Variants in GPHN observed in about 807,000 individuals in gnomAD.
GPHN encodes gephyrin.
Under a neutral mutation model 95.5 loss-of-function variants are expected in GPHN, and 17 were observed. That is an observed-to-expected ratio of 0.18 (90% CI 0.12 to 0.27). GPHN has a LOEUF of 0.27. GPHN is among the 10% of genes least tolerant of loss of function. The pLI, the probability that GPHN is intolerant of heterozygous loss-of-function variation, is 1.00. For synonymous variants in GPHN, 320 were observed against 322.5 expected, an observed-to-expected ratio of 0.99 and a Z score of 0.08; for missense variants, 660 against 978.1, an observed-to-expected ratio of 0.67 and a Z score of 4.34.
At chr14:66,851,316 T>C (rs1322211477) in intron 4 of GPHN, among the ~76,000 whole-genome samples, 1 of 151,858 alleles carries the variant, frequency 6.6e-6, no homozygotes, top group African/African-American at 2.4e-5. Context: ...CAAGTGTAAC[T>C]ACAACTTTGA....
At chr14:66,874,228 C>A (rs2063559587) in intron 4 of GPHN, among the ~76,000 whole-genome samples, 1 of 152,138 alleles carries the variant, frequency 6.6e-6, no homozygotes, top group Non-Finnish European at 1.5e-5. Flanking sequence ...AAAAGGATTT[C>A]CACACAGAAA....
the GPHN span, among the ~76,000 whole-genome samples, chr14:67,273,743 T>G: frequency 5.3e-5 from 8 of 152,226 alleles, no homozygotes; most frequent in Admixed American, 5.2e-4. Context: ...CCAGCAACAG[T>G]GTAAAAGTGT....
At chr14:66,998,892 T>A (rs886494330) in intron 9 of GPHN, among the ~76,000 whole-genome samples, 63 of 145,328 alleles carry the variant, frequency 4.3e-4, no homozygotes, top group African/African-American at 1.4e-3. Flanking sequence ...AAAAAAAATA[T>A]ATATATATAT....
chr14:66,643,127 G>A (rs899010572), intron 1 of GPHN, among the ~76,000 whole-genome samples: 1 of 151,994 alleles, frequency 6.6e-6, no homozygotes, highest in South Asian at 2.1e-4. Context: ...TTCACAAATA[G>A]TATATGTTCA....
At chr14:66,861,584 C>A (rs954243312) in intron 4 of GPHN, among the ~76,000 whole-genome samples, 10 of 152,074 alleles carry the variant, frequency 6.6e-5, no homozygotes, top group African/African-American at 2.4e-4. Context: ...AAAGGATAGA[C>A]CATATGTTGG....
intron 11 of GPHN, among the ~76,000 whole-genome samples, chr14:67,084,716 T>C (rs888616758): frequency 1.3e-5 from 2 of 152,212 alleles, no homozygotes; most frequent in African/African-American, 4.8e-5. Context: ...GTCAGTGAAC[T>C]TGTTGGCCTT....
chr14:67,286,368 C>A, the GPHN span, among the ~76,000 whole-genome samples: 5 of 152,276 alleles, frequency 3.3e-5, no homozygotes, highest in East Asian at 9.6e-4. Context: ...CCTCTGTCTT[C>A]TCTTTGTTGT....
the GPHN span, among the ~76,000 whole-genome samples, chr14:67,347,782 G>A: frequency 2.0e-5 from 3 of 152,160 alleles, no homozygotes; most frequent in Non-Finnish European, 2.9e-5. Flanking sequence ...TTACAGGTAT[G>A]AGCCACCGCG....
chr14:67,121,254 C>T (rs1486121589), intron 16 of GPHN, among the ~76,000 whole-genome samples: 1 of 152,076 alleles, frequency 6.6e-6, no homozygotes, highest in Non-Finnish European at 1.5e-5. Context: ...GAAGGACCCC[C>T]TACTCTTAGG....
chr14:67,452,393 G>GT, the GPHN span, among the ~76,000 whole-genome samples: 3 of 150,900 alleles, frequency 2.0e-5, no homozygotes, highest in East Asian at 5.8e-4. Context: ...CACCATCCAT[G>GT]TAAGTTGTGA....
chr14:66,516,521 G>T (rs180904746), intron 1 of GPHN, among the ~76,000 whole-genome samples: 39 of 152,198 alleles, frequency 2.6e-4, no homozygotes, highest in Non-Finnish European at 4.7e-4. Flanking sequence ...TGAAGTGAGG[G>T]TCTAAAGGCA....
At chr14:67,355,752 G>A in the GPHN span, among the ~76,000 whole-genome samples, 2 of 151,830 alleles carry the variant, frequency 1.3e-5, no homozygotes, top group Admixed American at 6.6e-5. Flanking sequence ...TCTATAATCA[G>A]CACTTTGGGA....
the GPHN span, chr14:67,726,159 A>G: frequency 6.3e-7 from 1 of 1,577,676 alleles, no homozygotes; most frequent in Non-Finnish European, 8.7e-7. Flanking sequence ...CACCTGGGTA[A>G]GTATCTTTGG....
At chr14:67,013,971 G>A (rs1305628143) in intron 9 of GPHN, among the ~76,000 whole-genome samples, 1 of 151,482 alleles carries the variant, frequency 6.6e-6, no homozygotes, top group Non-Finnish European at 1.5e-5. Context: ...ATTATTGACT[G>A]TATCTATTCC....
chr14:66,696,452 TTG>T (rs1312973351), intron 2 of GPHN, among the ~76,000 whole-genome samples: 1 of 152,208 alleles, frequency 6.6e-6, no homozygotes, highest in African/African-American at 2.4e-5. Context: ...GTTCTTGTTT[TTG>T]TGTGTGTGCC....
the GPHN span, among the ~76,000 whole-genome samples, chr14:67,682,351 AATTATAT>A: frequency 1.8e-4 from 27 of 152,232 alleles, no homozygotes; most frequent in Non-Finnish European, 1.5e-5. Context: ...AATATTTGCA[AATTATAT>A]ATCTGACAAG....
At chr14:66,924,444 A>G in intron 8 of GPHN, 152 bp downstream of exon 8, 1 of 679,694 alleles carries the variant, frequency 1.5e-6, no homozygotes, top group Non-Finnish European at 2.7e-6. Flanking sequence ...GCCATTGAGT[A>G]TATCCATCAA....
the GPHN span, chr14:67,582,231 C>T: frequency 6.2e-7 from 1 of 1,613,374 alleles, no homozygotes; most frequent in African/African-American, 1.3e-5. This position sits in a 1 kb window ranked among gnomAD's most constrained non-coding sequence, Gnocchi z 5.0. Flanking sequence ...GTTCAGGAAG[C>T]AGGAGGGTCG....
the GPHN span, among the ~76,000 whole-genome samples, chr14:67,420,443 A>T: frequency 6.6e-6 from 1 of 152,226 alleles, no homozygotes; most frequent in Non-Finnish European, 1.5e-5. Context: ...GAGGTTAATG[A>T]TGGGAAGAGA....
Sources: gnomAD v4.1 joint callset for allele counts (sites outside exome capture counted in the v4.1 genomes callset) on GRCh38, gnomAD v4.1.1 for gene constraint, Gnocchi (gnomAD v3.1) non-coding constraint, MANE v1.5 for transcripts, NCBI Gene and HGNC (gene_info 2026-07-23, HGNC 2026-07-21) for gene names.